The following CSMD1 variants were observed in gnomAD, a reference collection of about 807,000 sequenced individuals.
The protein encoded by CSMD1 is CUB and sushi domain-containing protein 1.
Under a neutral mutation model 417.5 loss-of-function variants are expected in CSMD1, and 213 were observed. The observed-to-expected ratio is 0.51, with a 90% CI of 0.46 to 0.57. CSMD1 has a LOEUF of 0.57. Among genes scored for constraint, CSMD1 ranks in the 20% least tolerant of loss-of-function variants. CSMD1 has a pLI of 0.00. For synonymous variants in CSMD1, 2,862 were observed against 1,736.8 expected (o/e 1.65, Z -16.11); for missense variants, 6,923 against 4,529.7 (o/e 1.53, Z -15.17).
At chr8:3,542,398 C>G (rs1314785148) in intron 10 of CSMD1, among the ~76,000 whole-genome samples, 1 of 152,238 alleles carries the variant, frequency 6.6e-6, no homozygotes, top group East Asian at 1.9e-4. Flanking sequence ...ATTTTAGCAC[C>G]TACCCTGTTC....
Position 4,214,866 on chromosome 8 carries a change from G to A in CSMD1, c.416-182767C>T, listed in dbSNP as rs145949844. 3.9e-4 allele frequency among the ~76,000 whole-genome samples: 59 copies of A among 151,396 alleles called. 1 individual carries two copies. In the South Asian group the frequency reaches 5.2e-3, roughly 13 times the overall value. ...ACTATGACCACCAGGTTTAGATAGC[G>A]TTTTTTTAAAAAAATGTATATTCTT... On this transcript the variant is annotated intron_variant, in intron 3 of 69. Transcript: ENST00000635120.
At chr8:3,480,671 A>G (rs998643161) in intron 11 of CSMD1, among the ~76,000 whole-genome samples, 2 of 152,126 alleles carry the variant, frequency 1.3e-5, no homozygotes, top group Non-Finnish European at 2.9e-5. Flanking sequence ...AGACAGAAAA[A>G]ACAACCAAAA....
intron 52 of CSMD1, among the ~76,000 whole-genome samples, chr8:3,006,730 C>T (rs1807938876): frequency 6.6e-6 from 1 of 151,474 alleles, no homozygotes. Context: ...ATGTAGAAAG[C>T]TGAAACTGGA....
intron 5 of CSMD1, among the ~76,000 whole-genome samples, chr8:3,916,008 G>C (rs1808798967): frequency 6.6e-6 from 1 of 151,454 alleles, no homozygotes; most frequent in South Asian, 2.1e-4. Context: ...AATGCAATTA[G>C]TTGGAAAATG....
chr8:3,511,272 C>G (rs1165826009), intron 10 of CSMD1, among the ~76,000 whole-genome samples: 1 of 151,542 alleles, frequency 6.6e-6, no homozygotes, highest in Non-Finnish European at 1.5e-5. Flanking sequence ...GGAGAAATAC[C>G]TAATGTAGAT....
At chr8:4,739,422 C>T (rs892251558) in intron 1 of CSMD1, among the ~76,000 whole-genome samples, 1 of 152,192 alleles carries the variant, frequency 6.6e-6, no homozygotes, top group African/African-American at 2.4e-5. Context: ...TACCTCCCAA[C>T]TCTCTACAAT....
At chr8:4,065,853 C>T (rs1459667329) in intron 3 of CSMD1, among the ~76,000 whole-genome samples, 2 of 152,148 alleles carry the variant, frequency 1.3e-5, no homozygotes, top group Admixed American at 1.3e-4. Flanking sequence ...AACACACACA[C>T]CCAAAGTTTT....
chr8:4,876,609 G>C (rs147283312), intron 1 of CSMD1, among the ~76,000 whole-genome samples: 1 of 151,946 alleles, frequency 6.6e-6, no homozygotes, highest in Non-Finnish European at 1.5e-5. Flanking sequence ...TGTAAACTTA[G>C]CACATCAGTT....
At chr8:3,942,807 G>A (rs1190789982) in intron 5 of CSMD1, among the ~76,000 whole-genome samples, 1 of 152,054 alleles carries the variant, frequency 6.6e-6, no homozygotes. Flanking sequence ...AAATATTTTG[G>A]CAATACCTAA....
chr8:3,423,226 T>G lies in CSMD1; in HGVS notation c.1562-13621A>C, dbSNP rs529391231. Among the ~76,000 whole-genome samples, 14 of 152,302 alleles carry G rather than the reference T, an allele frequency of 9.2e-5. No individual in the cohort carries two copies. In the East Asian group the frequency reaches 2.7e-3, roughly 29 times the overall value. ...ACAATTTAAGGAGTCTTAATTTAAT[T>G]TGACGAATTTGACTAAAGGTTATAG... On this transcript the variant is annotated intron_variant, in intron 12 of 69. Transcript: ENST00000635120.
chr8:4,938,927 C>G (rs1244615269), intron 1 of CSMD1, among the ~76,000 whole-genome samples: 7 of 151,114 alleles, frequency 4.6e-5, no homozygotes, highest in Non-Finnish European at 8.8e-5. Context: ...ACTTGTTAAA[C>G]TTTTGTGTGT....
At chr8:4,816,945 A>G (rs1010275906) in intron 1 of CSMD1, among the ~76,000 whole-genome samples, 2 of 152,180 alleles carry the variant, frequency 1.3e-5, no homozygotes, top group African/African-American at 4.8e-5. Flanking sequence ...AGGGAATTGC[A>G]TTGAAGGACA....
intron 10 of CSMD1, among the ~76,000 whole-genome samples, chr8:3,502,837 G>A (rs1053690956): frequency 1.3e-5 from 2 of 152,128 alleles, no homozygotes; most frequent in African/African-American, 4.8e-5. Flanking sequence ...GCCGGAGTGA[G>A]CCCTAACGTG....
At chr8:3,056,731 C>CTTTAATATAAAGTATTCATATAAA (rs369639255) in intron 49 of CSMD1, among the ~76,000 whole-genome samples, 3,676 of 149,946 alleles carry the variant, frequency 0.025, 159 homozygotes, top group African/African-American at 0.086. Context: ...ATTAAAGATA[C>CTTTAATATAAAGTATTCATATAAA]GTATTTATAT....
At chr8:3,561,166 G>A (rs1484712043) in intron 10 of CSMD1, among the ~76,000 whole-genome samples, 2 of 152,168 alleles carry the variant, frequency 1.3e-5, no homozygotes, top group Non-Finnish European at 2.9e-5. Flanking sequence ...AGGATGTGCA[G>A]AAAGCAAATA....
intron 26 of CSMD1, among the ~76,000 whole-genome samples, chr8:3,242,547 C>G (rs890395497): frequency 6.6e-6 from 1 of 152,032 alleles, no homozygotes. Flanking sequence ...CATTTTCTGA[C>G]TATTTGGAAC....
intron 25 of CSMD1, among the ~76,000 whole-genome samples, chr8:3,297,734 T>C (rs1000284879): frequency 4.6e-5 from 7 of 152,150 alleles, no homozygotes; most frequent in African/African-American, 1.7e-4. Context: ...TGTATAGCTT[T>C]GGGGAGGGAG....
chr8:4,747,649 T>A (rs903106410), intron 1 of CSMD1, among the ~76,000 whole-genome samples: 3 of 152,214 alleles, frequency 2.0e-5, no homozygotes, highest in African/African-American at 7.2e-5. Flanking sequence ...TTCTGCTTTA[T>A]ACTCAGTTGT....
intron 3 of CSMD1, among the ~76,000 whole-genome samples, chr8:4,173,993 T>G (rs1255223998): frequency 6.6e-6 from 1 of 152,146 alleles, no homozygotes; most frequent in Non-Finnish European, 1.5e-5. Context: ...AAAGGATATG[T>G]GACCATGCCT....
Sources: gnomAD v4.1 joint callset for allele counts (sites outside exome capture counted in the v4.1 genomes callset) on GRCh38, gnomAD v4.1.1 for gene constraint, MANE v1.5 for transcripts, NCBI Gene and HGNC (gene_info 2026-07-23, HGNC 2026-07-21) for gene names.